Variants in ADAM18 observed in about 807,000 individuals in gnomAD.
The protein encoded by ADAM18 is ADAM metallopeptidase domain 18, also known as disintegrin and metalloproteinase domain-containing protein 18.
Under a neutral mutation model 94.4 loss-of-function variants are expected in ADAM18, and 117 were observed. The observed-to-expected ratio is 1.24, with a 90% confidence interval of 1.07 to 1.45. The LOEUF (loss-of-function observed/expected upper bound fraction) is 1.45, where lower values mean the gene tolerates loss of function less well. ADAM18 is among the 40% of genes most tolerant of loss of function. The pLI, the probability that ADAM18 is intolerant of heterozygous loss-of-function variation, is 0.00. For missense variants in ADAM18, 936 were observed against 880.0 expected, an observed-to-expected ratio of 1.06 and a Z score of -0.81; for synonymous variants, 327 against 291.6, an observed-to-expected ratio of 1.12 and a Z score of -1.24.
intron 6 of ADAM18, among the ~76,000 whole-genome samples, chr8:39,618,519 T>A (rs1200667209): frequency 6.6e-6 from 1 of 152,192 alleles, no homozygotes; most frequent in African/African-American, 2.4e-5. Flanking sequence ...AGTCTTTCCA[T>A]AACCTGTGAT....
At position 39,677,476 on chromosome 8, in the gene ADAM18, T is replaced by C; in HGVS notation, c.1571T>C (p.Leu524Pro). ...PFACFKEVNSLHERSENCGFK... is the reference protein window; with the variant it reads ...PFACFKEVNSPHERSENCGFK... ...GCCTGTTTTAAAGAAGTTAATTCTCTGCATGAAAGATCTGAAAACTGTGGT... is the reference window on the plus strand; with the variant it reads ...GCCTGTTTTAAAGAAGTTAATTCTCCGCATGAAAGATCTGAAAACTGTGGT... The change falls in exon 15 of 20, where the codon CTG becomes CCG. Residue 524 changes from leucine to proline, a missense_variant. Leu to Pro is a moderately conservative substitution (Grantham distance 98). Transcript: ENST00000265707. The C allele has an allele frequency of 8.1e-6, 13 of 1,611,300 alleles. No homozygotes were observed. The highest frequency in any genetic ancestry group is 1.1e-5 in the Non-Finnish European group (13 of 1,179,460).
At chr8:39,721,249 A>G (rs1822736804) in intron 18 of ADAM18, among the ~76,000 whole-genome samples, 1 of 151,532 alleles carries the variant, frequency 6.6e-6, no homozygotes, top group South Asian at 2.1e-4. Flanking sequence ...ATGTATTTCA[A>G]CATATACAAG....
chr8:39,728,389 A>C (rs1052312506), intron 19 of ADAM18, among the ~76,000 whole-genome samples: 2 of 152,218 alleles, frequency 1.3e-5, no homozygotes, highest in African/African-American at 4.8e-5. Flanking sequence ...TAAAATCATG[A>C]GTAACTGTAT....
intron 7 of ADAM18, 110 bp downstream of exon 7, chr8:39,629,549 C>A: frequency 1.4e-6 from 1 of 700,418 alleles, no homozygotes; most frequent in Non-Finnish European, 2.3e-6. Context: ...CTCCTTCTTT[C>A]CCTTCCTCCA....
intron 2 of ADAM18, among the ~76,000 whole-genome samples, chr8:39,596,483 T>C (rs1563267570): frequency 6.6e-6 from 1 of 152,186 alleles, no homozygotes; most frequent in Non-Finnish European, 1.5e-5. Flanking sequence ...CATTTAAGAT[T>C]CTTTTATGTC....
At chr8:39,644,604 G>A (rs1023761303) in intron 10 of ADAM18, among the ~76,000 whole-genome samples, 19 of 152,180 alleles carry the variant, frequency 1.2e-4, no homozygotes, top group African/African-American at 3.9e-4. Flanking sequence ...TCTTTACTGT[G>A]ATTGTGTCTG....
At chr8:39,611,141 GTTTC>G (rs1007457504) in intron 6 of ADAM18, 1 of 962,356 alleles carries the variant, frequency 1.0e-6, no homozygotes, top group South Asian at 4.8e-5. Context: ...CTTGCTGGCA[GTTTC>G]TTTCTTTCAG....
intron 18 of ADAM18, among the ~76,000 whole-genome samples, chr8:39,717,924 C>G (rs1822625069): frequency 6.6e-6 from 1 of 151,432 alleles, no homozygotes; most frequent in South Asian, 2.1e-4. Context: ...AATGGGTTGA[C>G]TTGAGTAGAC....
chr8:39,701,797 T>C (rs1055522229), intron 17 of ADAM18, among the ~76,000 whole-genome samples: 3 of 152,172 alleles, frequency 2.0e-5, no homozygotes, highest in African/African-American at 7.2e-5. Flanking sequence ...GCTCCATCCA[T>C]GTCCCAGCAA....
At chr8:39,636,498 A>G (rs181573884) in intron 7 of ADAM18, among the ~76,000 whole-genome samples, 1 of 152,234 alleles carries the variant, frequency 6.6e-6, no homozygotes, top group Non-Finnish European at 1.5e-5. Flanking sequence ...TCATCCTTTG[A>G]TATTATAATC....
chr8:39,591,749 G>A (rs931389942), intron 2 of ADAM18, among the ~76,000 whole-genome samples: 5 of 152,186 alleles, frequency 3.3e-5, no homozygotes, highest in Non-Finnish European at 5.9e-5. Context: ...TTAATGACAT[G>A]TAGAATGGTG....
At chr8:39,609,600 T>A in intron 5 of ADAM18, 39 bp downstream of exon 5, 2 of 1,438,708 alleles carry the variant, frequency 1.4e-6, no homozygotes, top group Non-Finnish European at 9.7e-7. Context: ...ATGGAGAACT[T>A]AAGATAGTCT....
intron 17 of ADAM18, among the ~76,000 whole-genome samples, chr8:39,701,327 T>C (rs1822072110): frequency 6.6e-6 from 1 of 151,698 alleles, no homozygotes; most frequent in South Asian, 2.1e-4. Context: ...ATATGTATTG[T>C]TCTATTTCCT....
intron 12 of ADAM18, among the ~76,000 whole-genome samples, chr8:39,659,354 T>C (rs1820769798): frequency 6.6e-6 from 1 of 151,692 alleles, no homozygotes; most frequent in Non-Finnish European, 1.5e-5. Context: ...GATCCCCTAG[T>C]ACTGGAATGA....
At chr8:39,700,577 A>G (rs563884095) in intron 17 of ADAM18, among the ~76,000 whole-genome samples, 15 of 152,298 alleles carry the variant, frequency 9.8e-5, no homozygotes, top group African/African-American at 3.6e-4. Context: ...AAAATAAGTT[A>G]TCCCAACCTC....
At chr8:39,661,334 T>A (rs2129580005) in intron 12 of ADAM18, among the ~76,000 whole-genome samples, 2 of 143,802 alleles carry the variant, frequency 1.4e-5, no homozygotes, top group South Asian at 4.4e-4. Flanking sequence ...TTTTTTTTTT[T>A]TTTTTTTTTT....
intron 4 of ADAM18, 56 bp from the exon 5 acceptor site, chr8:39,609,429 A>T (rs560878577): frequency 8.3e-7 from 1 of 1,198,136 alleles, no homozygotes; most frequent in South Asian, 1.3e-5. Context: ...ATGTTTGACA[A>T]TACATTTTTT....
At chr8:39,608,632 AC>A (rs1232632075) in intron 3 of ADAM18, among the ~76,000 whole-genome samples, 1 of 151,154 alleles carries the variant, frequency 6.6e-6, no homozygotes, top group Non-Finnish European at 1.5e-5. Context: ...TTTTGTAACC[AC>A]CCTCCCCAGG....
In ADAM18 at chr8:39,685,860, C is replaced by T. The variant is rs568779659; in HGVS notation, c.1821+5634C>T. On this transcript the variant is annotated intron_variant, in intron 16 of 19. Transcript: ENST00000265707. ...TTCATGGCTCAGAAATCCCACCTTC[C>T]ACAAAACACTAGGACACAAACACAA... is the stretch of plus-strand genomic sequence containing the variant. 1.2e-3 allele frequency among the ~76,000 whole-genome samples: 180 copies of T among 152,268 alleles called. 2 individuals carry two copies. Among genetic ancestry groups the T allele is most frequent in the African/African-American group, 4.2e-3 (176 of 41,544 alleles).
Sources: allele counts gnomAD v4.1 joint callset (sites outside exome capture counted in the v4.1 genomes callset), GRCh38; gene constraint gnomAD v4.1.1; transcripts MANE v1.5; gene names NCBI Gene and HGNC (gene_info 2026-07-23, HGNC 2026-07-21).